PSD3: variants seen among roughly 807,000 people sequenced by gnomAD.
PSD3 encodes PH and SEC7 domain-containing protein 3.
In PSD3, 49 loss-of-function variants were observed where a neutral mutation model predicts 105.5. The ratio of observed to expected loss-of-function variants is 0.46; its 90% CI spans 0.37 to 0.59. The LOEUF (loss-of-function observed/expected upper bound fraction) is 0.59. Ranked by LOEUF, PSD3 falls within the 20% of genes least tolerant of loss-of-function variation. PSD3 has a pLI of 0.00. For synonymous variants in PSD3, 557 were observed against 457.8 expected (o/e 1.22, Z -2.77); for missense variants, 1,561 against 1,263.8 (o/e 1.24, Z -3.57).
chr8:18,933,714 C>T (rs1426558610), intron 2 of PSD3, among the ~76,000 whole-genome samples: 1 of 152,122 alleles, frequency 6.6e-6, no homozygotes, highest in African/African-American at 2.4e-5. Context: ...GTGATCCATC[C>T]GCCTCTGCCT....
At chr8:18,978,171 T>A (rs546653265) in intron 1 of PSD3, among the ~76,000 whole-genome samples, 8 of 152,204 alleles carry the variant, frequency 5.3e-5, no homozygotes, top group South Asian at 2.1e-4. Context: ...AGCTCAGAGC[T>A]GAAGTTTGCT....
intron 9 of PSD3, among the ~76,000 whole-genome samples, chr8:18,719,789 C>T (rs892999927): frequency 7.2e-5 from 11 of 152,128 alleles, no homozygotes; most frequent in African/African-American, 2.7e-4. Flanking sequence ...GAGCTGGTTT[C>T]ATTTTAACCA....
At chr8:18,920,446 C>T (rs965340176) in intron 2 of PSD3, among the ~76,000 whole-genome samples, 3 of 152,176 alleles carry the variant, frequency 2.0e-5, no homozygotes, top group Non-Finnish European at 4.4e-5. Flanking sequence ...TGGACAGATA[C>T]AGCGGTATTG....
At chr8:18,965,689 A>C in intron 1 of PSD3, among the ~76,000 whole-genome samples, 1 of 152,258 alleles carries the variant, frequency 6.6e-6, no homozygotes, top group South Asian at 2.1e-4. Flanking sequence ...GCTGTAGGTC[A>C]AGCTTGCAAG....
At chr8:18,566,475 G>A (rs1228912655) in intron 14 of PSD3, among the ~76,000 whole-genome samples, 6 of 149,714 alleles carry the variant, frequency 4.0e-5, no homozygotes, top group Non-Finnish European at 8.9e-5. Flanking sequence ...GCAGTGAGCC[G>A]AGATCAAGCC....
At chr8:18,919,927 C>G (rs1820891521) in intron 2 of PSD3, among the ~76,000 whole-genome samples, 1 of 149,776 alleles carries the variant, frequency 6.7e-6, no homozygotes, top group African/African-American at 2.5e-5. Flanking sequence ...GTGCAGCGCA[C>G]CAGCACGGCA....
intron 1 of PSD3, among the ~76,000 whole-genome samples, chr8:18,992,235 T>C (rs557108437): frequency 2.0e-5 from 3 of 152,124 alleles, no homozygotes; most frequent in Middle Eastern, 3.2e-3. Context: ...AAGGTATGTC[T>C]CATTAAATCA....
chr8:18,984,008 A>AT (rs1164028162), intron 1 of PSD3, among the ~76,000 whole-genome samples: 1 of 123,894 alleles, frequency 8.1e-6, no homozygotes, highest in Admixed American at 8.2e-5. Flanking sequence ...CTATCTCATT[A>AT]TTTAAAAAAA....
intron 9 of PSD3, among the ~76,000 whole-genome samples, chr8:18,737,257 T>C (rs987660468): frequency 9.9e-5 from 15 of 152,232 alleles, no homozygotes; most frequent in South Asian, 2.1e-4. Flanking sequence ...ATGAGAAAAA[T>C]AGGGCCCACA....
chr8:18,804,758 AG>A lies in PSD3; in HGVS notation c.1774del (p.Leu592PhefsTer25). 6.2e-7 allele frequency: 1 copy of A among 1,614,136 alleles called. No individual in the cohort carries two copies. On this transcript the variant is annotated frameshift_variant, in exon 5 of 16. Transcript: ENST00000327040. LOFTEE classifies it high-confidence loss of function. ...VEAAKRLAKR[L>X]YQLDRFKRSD... Reference sequence around the variant, plus strand: ...TCTTTTGAATCTGTCCAGCTGATAAAGGCGTTTGGCCAACCTTTTGGCTGCT... The same window carrying A: ...TCTTTTGAATCTGTCCAGCTGATAAAGCGTTTGGCCAACCTTTTGGCTGCT...
chr8:18,786,537 T>C (rs149322505), intron 8 of PSD3, among the ~76,000 whole-genome samples: 31 of 152,310 alleles, frequency 2.0e-4, no homozygotes, highest in Middle Eastern at 6.8e-3. Flanking sequence ...AGCACAAAGA[T>C]ACCAATTTGA....
intron 1 of PSD3, among the ~76,000 whole-genome samples, chr8:18,963,286 G>C (rs1369274721): frequency 6.6e-6 from 1 of 152,108 alleles, no homozygotes; most frequent in Non-Finnish European, 1.5e-5. Context: ...TGGGGACACA[G>C]AGCCAAACCA....
intron 4 of PSD3, among the ~76,000 whole-genome samples, chr8:18,842,580 A>G (rs561458393): frequency 6.6e-6 from 1 of 152,146 alleles, no homozygotes; most frequent in East Asian, 1.9e-4. Context: ...AAAAATACAA[A>G]AAATTAGCCG....
intron 4 of PSD3, among the ~76,000 whole-genome samples, chr8:18,819,085 C>T (rs767642114): frequency 3.9e-5 from 6 of 151,950 alleles, no homozygotes; most frequent in Non-Finnish European, 5.9e-5. Flanking sequence ...GACTACCTAA[C>T]GACTGTTCAT....
intron 10 of PSD3, among the ~76,000 whole-genome samples, chr8:18,650,576 A>C (rs1808400078): frequency 6.6e-6 from 1 of 152,180 alleles, no homozygotes; most frequent in Admixed American, 6.5e-5. Flanking sequence ...TTATCTTTGT[A>C]CAGTCCTCCC....
At chr8:18,746,661 T>A (rs1025672298) in intron 9 of PSD3, among the ~76,000 whole-genome samples, 4 of 152,268 alleles carry the variant, frequency 2.6e-5, no homozygotes, top group African/African-American at 9.6e-5. Context: ...CTGTTCTTTT[T>A]GTCTTCAACC....
chr8:19,013,516 G>C lies in PSD3; in HGVS notation c.21+47C>G, dbSNP rs767322279. On this transcript the variant is annotated intron_variant, in intron 1 of 15. Transcript: ENST00000327040. ...CAACACAAACCCCACGTCGAACAGC[G>C]GCGCCGCGTGCGCACCCCGCGCCCG... The C allele has an allele frequency of 5.7e-6, 9 of 1,578,176 alleles. No individual in the cohort carries two copies. The South Asian group carries it at 7.8e-5, about 14-fold the overall frequency.
intron 4 of PSD3, chr8:18,808,739 G>T (rs375106036): frequency 1.3e-4 from 217 of 1,613,844 alleles, no homozygotes; most frequent in Non-Finnish European, 1.4e-4. Context: ...ACAATATGAT[G>T]GCAATATAAA....
chr8:18,610,602 T>G (rs1367070559), intron 11 of PSD3, among the ~76,000 whole-genome samples: 2 of 152,234 alleles, frequency 1.3e-5, no homozygotes, highest in Admixed American at 1.3e-4. Context: ...GGCTGAAGCT[T>G]TTCTTTTAAC....
Sources: gnomAD v4.1 joint callset for allele counts (sites outside exome capture counted in the v4.1 genomes callset) on GRCh38, gnomAD v4.1.1 for gene constraint, MANE v1.5 for transcripts, NCBI Gene and HGNC (gene_info 2026-07-23, HGNC 2026-07-21) for gene names.